The following FGF12 variants were observed in gnomAD, a reference collection of about 807,000 sequenced individuals.
The protein encoded by FGF12 is fibroblast growth factor 12.
A neutral mutation model predicts 23.6 loss-of-function variants in FGF12; 14 were observed. That is an observed-to-expected ratio of 0.59 (90% confidence interval 0.39 to 0.93). The LOEUF (loss-of-function observed/expected upper bound fraction) is 0.93, where lower values mean the gene tolerates loss of function less well. Among genes scored for constraint, FGF12 ranks in the 40% least tolerant of loss-of-function variants. The pLI is 0.00. For synonymous variants in FGF12, 62 were observed against 77.3 expected, an observed-to-expected ratio of 0.80 and a Z score of 1.04; for missense variants, 175 against 217.8, an observed-to-expected ratio of 0.80 and a Z score of 1.24.
chr3:192,286,879 T>A (rs538009734), intron 4 of FGF12, among the ~76,000 whole-genome samples: 1 of 152,182 alleles, frequency 6.6e-6, no homozygotes, highest in African/African-American at 2.4e-5. Flanking sequence ...CATGCACACT[T>A]ACAATGTACA....
At chr3:192,348,371 C>T (rs1419412661) in intron 3 of FGF12, among the ~76,000 whole-genome samples, 2 of 152,110 alleles carry the variant, frequency 1.3e-5, no homozygotes, top group African/African-American at 4.8e-5. Flanking sequence ...AAGACACACA[C>T]ATCCTACACA....
intron 2 of FGF12, among the ~76,000 whole-genome samples, chr3:192,517,816 G>C (rs1368480250): frequency 6.6e-6 from 1 of 152,074 alleles, no homozygotes. Flanking sequence ...CACTTATCAG[G>C]ATTTCAATGT....
intron 2 of FGF12, among the ~76,000 whole-genome samples, chr3:192,368,660 A>G (rs919838316): frequency 6.6e-6 from 1 of 152,112 alleles, no homozygotes; most frequent in Admixed American, 6.6e-5. Flanking sequence ...CAATTTTGTT[A>G]ATAAAGTTTT....
intron 2 of FGF12, among the ~76,000 whole-genome samples, chr3:192,598,035 C>T (rs1336951396): frequency 1.3e-5 from 2 of 152,238 alleles, no homozygotes; most frequent in Non-Finnish European, 2.9e-5. Flanking sequence ...TGTAAGAACA[C>T]AGCAGCCTCA....
intron 4 of FGF12, among the ~76,000 whole-genome samples, chr3:192,262,819 C>A (rs1266465412): frequency 6.6e-6 from 1 of 151,720 alleles, no homozygotes; most frequent in East Asian, 1.9e-4. Context: ...CCTCTAGTTG[C>A]TTTGGATAAA....
At chr3:192,432,557 G>A (rs914109106) in intron 2 of FGF12, among the ~76,000 whole-genome samples, 5 of 148,818 alleles carry the variant, frequency 3.4e-5, no homozygotes, top group South Asian at 2.1e-4. Context: ...GTTGTGAACC[G>A]CCTGTGGGAA....
At chr3:192,668,072 G>C (rs1014047823) in intron 2 of FGF12, among the ~76,000 whole-genome samples, 1 of 151,964 alleles carries the variant, frequency 6.6e-6, no homozygotes, top group Non-Finnish European at 1.5e-5. Flanking sequence ...TCCAAGAATG[G>C]AGAATTGGTT....
chr3:192,435,834 G>C (rs1299795789), intron 2 of FGF12, among the ~76,000 whole-genome samples: 1 of 152,126 alleles, frequency 6.6e-6, no homozygotes, highest in Admixed American at 6.6e-5. Flanking sequence ...TTTTCAATGT[G>C]TTACCATGCT....
intron 5 of FGF12, among the ~76,000 whole-genome samples, chr3:192,167,163 CAAAAAAAAA>C (rs35097529): frequency 1.9e-5 from 2 of 108,086 alleles, no homozygotes; most frequent in African/African-American, 3.5e-5. Context: ...ATATGGCTAT[CAAAAAAAAA>C]AAAAAAAAAA....
chr3:192,644,801 A>T (rs74617262), intron 2 of FGF12, among the ~76,000 whole-genome samples: 4,479 of 152,220 alleles, frequency 0.029, 188 homozygotes, highest in African/African-American at 0.1. Flanking sequence ...GTCTAGTGTT[A>T]CAGATCGCTA....
chr3:192,666,318 A>AT (rs929113061), intron 2 of FGF12, among the ~76,000 whole-genome samples: 2 of 152,154 alleles, frequency 1.3e-5, no homozygotes, highest in Non-Finnish European at 2.9e-5. Flanking sequence ...ACAGTTTATC[A>AT]TTTTTTGCTA....
chr3:192,239,151 A>G (rs540834013), intron 4 of FGF12, among the ~76,000 whole-genome samples: 2 of 152,210 alleles, frequency 1.3e-5, no homozygotes, highest in Non-Finnish European at 2.9e-5. Context: ...ATTGAGCCCA[A>G]AAAATATCTG....
chr3:192,440,436 A>G (rs905194468), intron 2 of FGF12, among the ~76,000 whole-genome samples: 3 of 152,250 alleles, frequency 2.0e-5, no homozygotes, highest in African/African-American at 7.2e-5. Flanking sequence ...GATTAGTCAG[A>G]TGGGATTTGG....
intron 2 of FGF12, among the ~76,000 whole-genome samples, chr3:192,507,054 G>C (rs576078330): frequency 1.3e-5 from 2 of 152,056 alleles, no homozygotes; most frequent in African/African-American, 4.8e-5. Context: ...ACCACGCCCG[G>C]CTAATTTTTT....
intron 2 of FGF12, among the ~76,000 whole-genome samples, chr3:192,474,897 A>AAAAAAAAAAG (rs60312309): frequency 4.0e-5 from 6 of 149,120 alleles, no homozygotes; most frequent in African/African-American, 1.3e-4. Context: ...AAAAAAAAAA[A>AAAAAAAAAAG]AAAGAAAGAA....
chr3:192,459,841 G>GTGT (rs1220011292), intron 2 of FGF12, among the ~76,000 whole-genome samples: 10 of 81,406 alleles, frequency 1.2e-4, no homozygotes, highest in Non-Finnish European at 2.5e-4. Context: ...TATGTTTAGT[G>GTGT]TGTGTGTGTG....
chr3:192,542,974 G>A (rs145628632), intron 2 of FGF12, among the ~76,000 whole-genome samples: 1 of 152,054 alleles, frequency 6.6e-6, no homozygotes, highest in East Asian at 1.9e-4. Flanking sequence ...TGGTACTGGG[G>A]TCTCACCCAA....
At chr3:192,474,320 C>T (rs1577004908) in intron 2 of FGF12, among the ~76,000 whole-genome samples, 1 of 152,202 alleles carries the variant, frequency 6.6e-6, no homozygotes, top group Non-Finnish European at 1.5e-5. Flanking sequence ...AGGAACAACA[C>T]TCATCTCATT....
intron 2 of FGF12, among the ~76,000 whole-genome samples, chr3:192,716,672 A>T (rs1718877276): frequency 6.6e-6 from 1 of 152,240 alleles, no homozygotes; most frequent in African/African-American, 2.4e-5. Context: ...GCTAACAACA[A>T]GAATAACAAC....
Sources: gnomAD v4.1 joint callset for allele counts (sites outside exome capture counted in the v4.1 genomes callset) on GRCh38, gnomAD v4.1.1 for gene constraint, MANE v1.5 for transcripts, NCBI Gene and HGNC (gene_info 2026-07-23, HGNC 2026-07-21) for gene names.